CTBP2: variants seen among roughly 807,000 people sequenced by gnomAD.
CTBP2 encodes the protein C-terminal-binding protein 2.
In CTBP2, 30 loss-of-function variants were observed where a neutral mutation model predicts 80.3. The observed-to-expected ratio is 0.37, with a 90% CI of 0.28 to 0.51. The LOEUF (loss-of-function observed/expected upper bound fraction) is 0.51. CTBP2 is among the 20% of genes least tolerant of loss of function. The probability of loss-of-function intolerance (pLI) is 0.93; values close to 1 mark genes in which losing one functional copy is unlikely to be tolerated. For missense variants in CTBP2, 1,212 were observed against 1,375.3 expected (o/e 0.88, Z 1.88); for synonymous variants, 594 against 587.4 (o/e 1.01, Z -0.16).
At chr10:125,039,017 C>T (rs1283397809) in exon 3 of CTBP2, 1 of 1,613,460 alleles carries the variant, frequency 6.2e-7, no homozygotes, top group South Asian at 1.1e-5. Flanking sequence ...TCTGTCCAAT[C>T]GCTGTCTCTT....
intron 2 of CTBP2, among the ~76,000 whole-genome samples, chr10:125,101,308 C>T (rs1233438049): frequency 2.0e-5 from 3 of 152,224 alleles, no homozygotes; most frequent in African/African-American, 7.2e-5. Context: ...TGGCCTCAGG[C>T]TCTTTGGTCA....
Position 124,985,507 on chromosome 10 carries a change from A to T in CTBP2, c.*4011T>A, listed in dbSNP as rs1564971308. ...GATTATCCACAGCAAAACAAAAATA[A>T]GCTTTTATTTTATTAATAATTTCGT... On this transcript the variant is annotated 3_prime_UTR_variant, in exon 9 of 9. Transcript: ENST00000309035. 1 of 152,808 alleles carries T rather than the reference A, an allele frequency of 6.5e-6. No individual in the cohort carries two copies. The highest frequency in any genetic ancestry group is 6.5e-5 in the Admixed American group (1 of 15,292). 9.5% of individuals were successfully genotyped at this position (152,808 alleles called of 1,614,324 possible). A position where few individuals can be genotyped will look rare whatever the true frequency, so the allele number is the denominator to read the frequency against.
At chr10:125,071,119 T>C in intron 2 of CTBP2, among the ~76,000 whole-genome samples, 1 of 152,106 alleles carries the variant, frequency 6.6e-6, no homozygotes, top group Admixed American at 6.6e-5. Context: ...TCCCGAGCCG[T>C]GTGCCAGGGC....
intron 2 of CTBP2, among the ~76,000 whole-genome samples, chr10:125,074,250 G>C (rs1364916676): frequency 6.6e-6 from 1 of 152,188 alleles, no homozygotes. Flanking sequence ...AAATAGCTCA[G>C]GGCAACAAGG....
rs1004676393 is a variant in CTBP2, at chr10:124,994,405, G to C, written c.2400+64C>G. On this transcript the variant is annotated intron_variant, in intron 5 of 8. Transcript: ENST00000309035. ...CTCCGTTGCCCTCCGTGTCCCTCTT[G>C]TGCCCACAAGCAAGTGCTACCACCT... 12 of 1,521,598 alleles carry C rather than the reference G, an allele frequency of 7.9e-6. No individual in the cohort carries two copies. In the South Asian group the frequency reaches 8.0e-5, roughly 10 times the overall value. The allele number at this position is 1,521,598 out of a possible 1,614,324, so 94.3% of individuals were successfully genotyped here.
intron 3 of CTBP2, chr10:125,000,139 A>C (rs772578348): frequency 6.6e-6 from 1 of 152,274 alleles, no homozygotes; most frequent in Non-Finnish European, 1.5e-5. Context: ...TGCTCACCGG[A>C]GTGCAGAGTC....
At chr10:124,997,641 C>T (rs2134181649) in intron 4 of CTBP2, 1 of 416,578 alleles carries the variant, frequency 2.4e-6, no homozygotes, top group East Asian at 4.6e-5. Flanking sequence ...TCCATACAGC[C>T]CCTGCCCTTC....
chr10:125,091,902 C>G (rs778423403), intron 2 of CTBP2, among the ~76,000 whole-genome samples: 52 of 152,172 alleles, frequency 3.4e-4, no homozygotes, highest in Admixed American at 7.2e-4. Context: ...CATCAGCTTT[C>G]CCCCATGATT....
rs1374170944 is a variant in CTBP2, at chr10:125,027,618, C to T, written c.142G>A (p.Gly48Arg). Reference sequence around the variant, plus strand: ...CGGTGGTTTGGCTCAAACCAAGTCCCCTCTGCTGTGCCATACGTCAGGGAG... The same window carrying T: ...CGGTGGTTTGGCTCAAACCAAGTCCTCTCTGCTGTGCCATACGTCAGGGAG... The change falls in exon 1 of 9, where the codon GGG becomes AGG. Residue 48 changes from glycine (G) to arginine (R), a missense_variant. This residue lies in a region of CTBP2 where 848 missense variants were observed against 782.3 expected (regional missense o/e 1.08). Coordinates refer to ENST00000309035, the MANE Select transcript of CTBP2 (RefSeq NM_022802.3). The T allele has an allele frequency of 6.8e-6, 11 of 1,613,934 alleles. No homozygotes were observed. Among genetic ancestry groups the T allele is most frequent in the African/African-American group, 1.3e-5 (1 of 74,878 alleles).
chr10:125,102,036 G>C (rs1850705425), intron 2 of CTBP2, among the ~76,000 whole-genome samples: 1 of 152,134 alleles, frequency 6.6e-6, no homozygotes, highest in Admixed American at 6.5e-5. Context: ...AGTCATTCTT[G>C]ACTAAGCTCT....
At chr10:125,062,054 C>A (rs1321657005) in intron 2 of CTBP2, among the ~76,000 whole-genome samples, 1 of 152,176 alleles carries the variant, frequency 6.6e-6, no homozygotes, top group Non-Finnish European at 1.5e-5. Context: ...GACCTAAACT[C>A]CTGTGTGTTT....
intron 1 of CTBP2, among the ~76,000 whole-genome samples, chr10:125,128,187 G>A (rs1855575617): frequency 6.6e-6 from 1 of 152,136 alleles, no homozygotes; most frequent in Non-Finnish European, 1.5e-5. Context: ...ATCCTCACAC[G>A]GAAGCAAACT....
At chr10:125,051,913 C>T (rs1005775111) in intron 2 of CTBP2, among the ~76,000 whole-genome samples, 1 of 152,118 alleles carries the variant, frequency 6.6e-6, no homozygotes, top group African/African-American at 2.4e-5. Context: ...AGGGGGAAGA[C>T]GACGTGAAGA....
chr10:125,121,520 A>G (rs938524711), intron 1 of CTBP2, among the ~76,000 whole-genome samples: 6 of 151,970 alleles, frequency 3.9e-5, no homozygotes, highest in African/African-American at 1.5e-4. Flanking sequence ...TGTACAAACT[A>G]CTCACTTTTC....
intron 1 of CTBP2, among the ~76,000 whole-genome samples, chr10:125,025,088 G>A (rs1957404392): frequency 6.6e-6 from 1 of 152,034 alleles, no homozygotes; most frequent in Non-Finnish European, 1.5e-5. Flanking sequence ...CTGCTTCAGG[G>A]CTATTTTCAA....
intron 3 of CTBP2, among the ~76,000 whole-genome samples, chr10:125,002,325 C>G (rs1004463865): frequency 1.3e-5 from 2 of 152,202 alleles, no homozygotes; most frequent in African/African-American, 2.4e-5. Context: ...TGGGCAGAGG[C>G]CCCCCTCAAC....
intron 2 of CTBP2, among the ~76,000 whole-genome samples, chr10:125,057,903 C>A (rs190338176): frequency 1.4e-3 from 217 of 152,226 alleles, no homozygotes; most frequent in Non-Finnish European, 2.4e-3. Flanking sequence ...GGGTCCTGGC[C>A]GTCCCACTTC....
At chr10:125,088,537 C>T (rs1188222260) in intron 2 of CTBP2, among the ~76,000 whole-genome samples, 1 of 152,114 alleles carries the variant, frequency 6.6e-6, no homozygotes, top group Non-Finnish European at 1.5e-5. Context: ...TCAGAGCATG[C>T]CATTTATCAA....
At chr10:125,126,821 A>T (rs1035940291) in intron 1 of CTBP2, among the ~76,000 whole-genome samples, 8 of 152,108 alleles carry the variant, frequency 5.3e-5, no homozygotes, top group Admixed American at 5.2e-4. Flanking sequence ...ATACACACAC[A>T]TCCAAAAGAG....
Sources: allele counts gnomAD v4.1 joint callset (sites outside exome capture counted in the v4.1 genomes callset), GRCh38; gene constraint gnomAD v4.1.1; regional missense constraint gnomAD v4.1.1; transcripts MANE v1.5; gene names NCBI Gene and HGNC (gene_info 2026-07-23, HGNC 2026-07-21).